Variants in TRA2A observed in about 807,000 individuals in gnomAD.
TRA2A encodes transformer 2 alpha homolog, also known as transformer-2 protein homolog alpha.
TRA2A carries 31 observed loss-of-function variants against 45.7 expected under a neutral mutation model. That is an observed-to-expected ratio of 0.68 (90% CI 0.51 to 0.92). The LOEUF (loss-of-function observed/expected upper bound fraction) is 0.92. Among genes scored for constraint, TRA2A ranks in the 40% least tolerant of loss-of-function variants. The pLI, the probability that TRA2A is intolerant of heterozygous loss-of-function variation, is 0.00. For missense variants in TRA2A, 304 were observed against 367.5 expected (o/e 0.83, Z 1.41); for synonymous variants, 132 against 126.2 (o/e 1.05, Z -0.31).
chr7:23,505,688 A>C (rs1407883288), intron 7 of TRA2A, 58 bp downstream of exon 7: 3 of 1,146,852 alleles, frequency 2.6e-6, no homozygotes, highest in African/African-American at 3.2e-5. Context: ...TAATATTCTA[A>C]AGTAAGCCAT....
chr7:23,509,137 C>T (rs1461385424), intron 4 of TRA2A, among the ~76,000 whole-genome samples: 1 of 152,094 alleles, frequency 6.6e-6, no homozygotes, highest in Non-Finnish European at 1.5e-5. Flanking sequence ...ACACCCGGTC[C>T]AATTTTTAAA....
chr7:23,531,507 A>G, intron 1 of TRA2A: 1 of 542,144 alleles, frequency 1.8e-6, no homozygotes, highest in East Asian at 3.2e-5. Flanking sequence ...AGGAAGCCTC[A>G]GGGGTGGGGA....
intron 1 of TRA2A, among the ~76,000 whole-genome samples, chr7:23,529,792 T>C (rs1349929534): frequency 2.0e-5 from 3 of 152,116 alleles, no homozygotes; most frequent in African/African-American, 7.2e-5. Flanking sequence ...GAGGGCCCTT[T>C]ATTTCTATTA....
intron 1 of TRA2A, among the ~76,000 whole-genome samples, chr7:23,528,101 G>T (rs145485310): frequency 6.6e-6 from 1 of 152,098 alleles, no homozygotes; most frequent in East Asian, 1.9e-4. Context: ...ATGATATATG[G>T]AATTAAATTG....
chr7:23,522,751 C>T (rs1200902544), intron 1 of TRA2A, among the ~76,000 whole-genome samples: 1 of 151,930 alleles, frequency 6.6e-6, no homozygotes, highest in African/African-American at 2.4e-5. Context: ...ACTATAATTT[C>T]CCCCCACCTA....
chr7:23,514,315 C>A (rs866220196), intron 3 of TRA2A, among the ~76,000 whole-genome samples: 8 of 152,112 alleles, frequency 5.3e-5, no homozygotes, highest in Middle Eastern at 6.8e-3. Flanking sequence ...TGATCCACCC[C>A]ACCCGGCCTA....
chr7:23,518,271 C>T (rs1236575793), intron 2 of TRA2A, among the ~76,000 whole-genome samples: 4 of 151,974 alleles, frequency 2.6e-5, no homozygotes, highest in Non-Finnish European at 4.4e-5. Flanking sequence ...ATTTCCAATT[C>T]TTCTTTAGCC....
intron 3 of TRA2A, among the ~76,000 whole-genome samples, chr7:23,513,504 G>A (rs1329959880): frequency 1.3e-5 from 2 of 152,116 alleles, no homozygotes; most frequent in African/African-American, 2.4e-5. Flanking sequence ...TGTAATCCCA[G>A]CTACTCCAGA....
In TRA2A at chr7:23,531,949, C is replaced by A. The variant is rs1268897694; in HGVS notation, c.-125G>T. ...AGTCGGCAACCACAGCCGCTCCACT[C>A]CACTCCCACTCGGTCGCAGGCTCCA... is the stretch of plus-strand genomic sequence containing the variant. On this transcript the variant is annotated 5_prime_UTR_variant, in exon 1 of 8. Transcript: ENST00000297071. 4.0e-6 allele frequency: 4 copies of A among 1,004,204 alleles called. No homozygotes were observed. Among genetic ancestry groups the A allele is most frequent in the Non-Finnish European group, 4.5e-6 (3 of 669,698 alleles). 62.2% of individuals were successfully genotyped at this position (1,004,204 alleles called of 1,614,324 possible).
intron 1 of TRA2A, among the ~76,000 whole-genome samples, chr7:23,529,778 G>GT (rs759505631): frequency 1.3e-5 from 2 of 151,740 alleles, no homozygotes; most frequent in Non-Finnish European, 2.9e-5. Flanking sequence ...ACAAAGGGCC[G>GT]TAAGAGGGCC....
chr7:23,515,487 G>A (rs969900254), intron 3 of TRA2A, among the ~76,000 whole-genome samples: 1 of 151,644 alleles, frequency 6.6e-6, no homozygotes, highest in African/African-American at 2.4e-5. Flanking sequence ...AAAGTGCTGG[G>A]ATTACAAGTG....
Position 23,505,329 on chromosome 7 carries a change from T to C in TRA2A, c.*230A>G. The C allele has an allele frequency of 4.9e-6, 2 of 407,210 alleles. No homozygotes were observed. Among genetic ancestry groups the C allele is most frequent in the East Asian group, 7.2e-5 (2 of 27,842 alleles). 25.2% of individuals were successfully genotyped at this position (407,210 alleles called of 1,614,324 possible). ...AGCATAACATAACATTGGGGTTCTTTTTATACTCAAGATGTTTAACTGTTC... is the reference window on the plus strand; with the variant it reads ...AGCATAACATAACATTGGGGTTCTTCTTATACTCAAGATGTTTAACTGTTC... On this transcript the variant is annotated 3_prime_UTR_variant, in exon 8 of 8. Transcript: ENST00000297071.
rs1470869416 is a variant in TRA2A at position 23,505,785 on chromosome 7, G to A, written c.799C>T (p.Arg267Ter). ...RRRSPSPYYS[R>*]YRSRSRSRSY... The stretch of plus-strand genomic sequence containing the variant: ...CGAGATCTTGATCGTGATCTATATC[G>A]ACTATAATAAGGAGAAGGTGATCGT... Residue 267 changes from arginine (R) to a stop codon, truncating the protein, a stop_gained, in exon 7 of 8, where the codon CGA becomes TGA. Coordinates refer to ENST00000297071, the MANE Select transcript of TRA2A (RefSeq NM_013293.5). LOFTEE classifies it high-confidence loss of function. The A allele has an allele frequency of 4.5e-6, 7 of 1,561,630 alleles. No homozygotes were observed. The highest frequency in any genetic ancestry group is 6.0e-6 in the Non-Finnish European group (7 of 1,159,220).
Position 23,505,772 on chromosome 7 carries a change from C to G in TRA2A, c.812G>C (p.Arg271Pro), listed in dbSNP as rs141362754. Residue 271 changes from arginine (R) to proline (P), a missense_variant, in exon 7 of 8, where the codon CGA (arginine) becomes CCA (proline). This residue lies in a region of TRA2A where 42 missense variants were observed against 37.0 expected (regional missense o/e 1.14). Coordinates refer to ENST00000297071, the MANE Select transcript of TRA2A (RefSeq NM_013293.5). ...PSPYYSRYRS[R>P]SRSRSYSPRR... Reference sequence around the variant, plus strand: ...TGGGCTGTAGGAACGAGATCTTGATCGTGATCTATATCGACTATAATAAGG... The same window carrying G: ...TGGGCTGTAGGAACGAGATCTTGATGGTGATCTATATCGACTATAATAAGG... 3 of 1,561,150 alleles carry G rather than the reference C, an allele frequency of 1.9e-6. No individual in the cohort carries two copies. The highest frequency in any genetic ancestry group is 1.7e-6 in the Non-Finnish European group (2 of 1,160,062).
intron 2 of TRA2A, among the ~76,000 whole-genome samples, chr7:23,517,898 C>T (rs999311921): frequency 2.0e-5 from 3 of 151,434 alleles, no homozygotes; most frequent in African/African-American, 7.3e-5. Flanking sequence ...GGAACAAGCA[C>T]AAAACTCTGT....
At chr7:23,531,589 A>G (rs1790587328) in intron 1 of TRA2A, 200 bp downstream of exon 1, 2 of 613,016 alleles carry the variant, frequency 3.3e-6, no homozygotes, top group African/African-American at 1.9e-5. Context: ...AGCCTCCAAA[A>G]AAGGGGGAGG....
intron 6 of TRA2A, 111 bp downstream of exon 6, chr7:23,506,027 A>G (rs1168588277): frequency 3.0e-6 from 3 of 989,918 alleles, no homozygotes; most frequent in Admixed American, 2.3e-5. Flanking sequence ...AAGGCGTCAT[A>G]TATGATCTAT....
chr7:23,520,637 C>T (rs927209227), intron 2 of TRA2A, among the ~76,000 whole-genome samples: 1 of 151,800 alleles, frequency 6.6e-6, no homozygotes, highest in Non-Finnish European at 1.5e-5. Context: ...TATCCCTCCA[C>T]CCAAGAAATG....
chr7:23,521,308 C>T (rs1020117623), intron 2 of TRA2A, among the ~76,000 whole-genome samples: 4 of 152,214 alleles, frequency 2.6e-5, no homozygotes, highest in Admixed American at 1.3e-4. Flanking sequence ...TTTTGTTGTG[C>T]AAATATTGTT....
Sources: allele counts gnomAD v4.1 joint callset (sites outside exome capture counted in the v4.1 genomes callset), GRCh38; gene constraint gnomAD v4.1.1; regional missense constraint gnomAD v4.1.1; transcripts MANE v1.5; gene names NCBI Gene and HGNC (gene_info 2026-07-23, HGNC 2026-07-21).